HS3ST4: variants seen among roughly 807,000 people sequenced by gnomAD.
The protein encoded by HS3ST4 is heparan sulfate-glucosamine 3-sulfotransferase 4, also known as heparan sulfate glucosamine 3-O-sulfotransferase 4.
In HS3ST4, 17 loss-of-function variants were observed where a neutral mutation model predicts 29.2. The ratio of observed to expected loss-of-function variants is 0.58; its 90% CI spans 0.40 to 0.87. HS3ST4 has a LOEUF of 0.87. Among genes scored for constraint, HS3ST4 ranks in the 40% least tolerant of loss-of-function variants. The pLI, the probability that HS3ST4 is intolerant of heterozygous loss-of-function variation, is 0.00. For missense variants in HS3ST4, 627 were observed against 634.5 expected (o/e 0.99, Z 0.13); for synonymous variants, 314 against 285.7 (o/e 1.10, Z -1.00).
chr16:25,902,347 T>G (rs1287835488), intron 1 of HS3ST4, among the ~76,000 whole-genome samples: 1 of 151,762 alleles, frequency 6.6e-6, no homozygotes, highest in Non-Finnish European at 1.5e-5. Flanking sequence ...ATTGAAAAAA[T>G]TAGCTGGGTG....
chr16:25,923,716 A>G (rs564089828), intron 1 of HS3ST4, among the ~76,000 whole-genome samples: 8 of 152,332 alleles, frequency 5.3e-5, no homozygotes, highest in African/African-American at 1.7e-4. Context: ...GCCTGCACAG[A>G]AAGATCTGAT....
intron 1 of HS3ST4, among the ~76,000 whole-genome samples, chr16:25,824,315 C>T (rs1275306120): frequency 3.3e-5 from 5 of 152,212 alleles, no homozygotes; most frequent in Non-Finnish European, 5.9e-5. Context: ...CAGCACAGCA[C>T]TCTCCCAGTT....
At chr16:25,799,659 C>A (rs1428829351) in intron 1 of HS3ST4, among the ~76,000 whole-genome samples, 1 of 152,134 alleles carries the variant, frequency 6.6e-6, no homozygotes, top group Non-Finnish European at 1.5e-5. Context: ...TGGTCTTGGG[C>A]ATATGATTGA....
intron 1 of HS3ST4, among the ~76,000 whole-genome samples, chr16:25,706,546 C>G (rs1041735310): frequency 1.3e-5 from 2 of 152,064 alleles, no homozygotes; most frequent in Non-Finnish European, 2.9e-5. Flanking sequence ...CCCCACCCCC[C>G]GACAGGCCCT....
chr16:26,008,356 T>A (rs1460593781), intron 1 of HS3ST4, among the ~76,000 whole-genome samples: 6 of 152,218 alleles, frequency 3.9e-5, no homozygotes, highest in African/African-American at 1.4e-4. Context: ...TCACATCCAC[T>A]GAGGCTCCCA....
At chr16:25,879,959 C>G (rs889992307) in intron 1 of HS3ST4, among the ~76,000 whole-genome samples, 1 of 152,010 alleles carries the variant, frequency 6.6e-6, no homozygotes, top group Admixed American at 6.5e-5. Flanking sequence ...TTCACTACCA[C>G]GAGAACAGTA....
At chr16:26,065,447 G>A (rs189285486) in intron 1 of HS3ST4, among the ~76,000 whole-genome samples, 163 of 152,284 alleles carry the variant, frequency 1.1e-3, no homozygotes, top group Middle Eastern at 6.8e-3. Flanking sequence ...ACGCAGAGGG[G>A]AATGACACAC....
intron 1 of HS3ST4, among the ~76,000 whole-genome samples, chr16:25,832,071 C>G (rs3935509): frequency 0.44 from 66,818 of 151,844 alleles, 15,324 homozygotes; most frequent in East Asian, 0.56. Flanking sequence ...GATACCATTG[C>G]ACTTCAGCCT....
chr16:25,928,612 C>T (rs1465142410), intron 1 of HS3ST4, among the ~76,000 whole-genome samples: 2 of 152,168 alleles, frequency 1.3e-5, no homozygotes, highest in Admixed American at 6.5e-5. Flanking sequence ...CTCAAAATCT[C>T]CCCTCAGATG....
intron 1 of HS3ST4, among the ~76,000 whole-genome samples, chr16:25,964,733 C>T (rs966877088): frequency 2.6e-5 from 4 of 152,132 alleles, no homozygotes; most frequent in East Asian, 1.9e-4. Context: ...CTTCCAGTTC[C>T]GGCCCAGAAG....
chr16:25,978,947 T>TTTG (rs1298642995), intron 1 of HS3ST4, among the ~76,000 whole-genome samples: 4 of 149,374 alleles, frequency 2.7e-5, no homozygotes, highest in South Asian at 2.1e-4. Context: ...TTTTTGTTTT[T>TTTG]TTTTTTTTTT....
intron 1 of HS3ST4, among the ~76,000 whole-genome samples, chr16:25,764,777 C>G (rs76569071): frequency 0.032 from 4,823 of 152,246 alleles, 159 homozygotes; most frequent in East Asian, 0.15. Context: ...TTCTTTTTTG[C>G]ACCCTGCCAT....
intron 1 of HS3ST4, among the ~76,000 whole-genome samples, chr16:25,857,902 TCCTTC>T (rs1567257027): frequency 0.098 from 7,295 of 74,172 alleles, 353 homozygotes; most frequent in African/African-American, 0.11. Flanking sequence ...TTTTCTTTCT[TCCTTC>T]CTTCCTTCCT....
Position 25,734,082 on chromosome 16 carries a change from A to T in HS3ST4, c.734+40931A>T, listed in dbSNP as rs1008433011. ...CAGTGAGCCGAGATTGCGCCATTGC[A>T]CTCCAGCCTGGGTGACAGAGCGAGA... On this transcript the variant is annotated intron_variant, in intron 1 of 1. Transcript: ENST00000331351. 2.0e-5 allele frequency among the ~76,000 whole-genome samples: 3 copies of T among 152,174 alleles called. No homozygotes were observed. In the East Asian group the frequency reaches 5.8e-4, roughly 29 times the overall value.
intron 1 of HS3ST4, among the ~76,000 whole-genome samples, chr16:25,915,197 TC>T (rs1968280399): frequency 6.6e-6 from 1 of 152,254 alleles, no homozygotes; most frequent in African/African-American, 2.4e-5. Flanking sequence ...TGTATTCACT[TC>T]ACGGAAGCCC....
At chr16:25,865,414 ATGT>A (rs1033435808) in intron 1 of HS3ST4, among the ~76,000 whole-genome samples, 4 of 152,106 alleles carry the variant, frequency 2.6e-5, no homozygotes, top group African/African-American at 9.7e-5. Context: ...ATGATTAGTG[ATGT>A]TGAACACTTT....
intron 1 of HS3ST4, among the ~76,000 whole-genome samples, chr16:25,701,492 T>G (rs573417669): frequency 1.2e-4 from 18 of 152,228 alleles, no homozygotes; most frequent in African/African-American, 4.1e-4. Flanking sequence ...GGGTGCTATT[T>G]TTAGAAAAGT....
At chr16:26,104,239 G>A (rs374031400) in intron 1 of HS3ST4, among the ~76,000 whole-genome samples, 57 of 152,256 alleles carry the variant, frequency 3.7e-4, no homozygotes, top group African/African-American at 1.3e-3. Context: ...TGTCAAAGAC[G>A]AGATTGTGCT....
intron 1 of HS3ST4, among the ~76,000 whole-genome samples, chr16:26,078,686 G>T: frequency 6.6e-6 from 1 of 152,178 alleles, no homozygotes; most frequent in Non-Finnish European, 1.5e-5. Context: ...AGACCAGAAA[G>T]ATTATAAGAC....
Sources: allele counts gnomAD v4.1 joint callset (sites outside exome capture counted in the v4.1 genomes callset), GRCh38; gene constraint gnomAD v4.1.1; transcripts MANE v1.5; gene names NCBI Gene and HGNC (gene_info 2026-07-23, HGNC 2026-07-21).